ADGRV1: variants seen among roughly 807,000 people sequenced by gnomAD.
ADGRV1 encodes G-protein coupled receptor 98.
ADGRV1 carries 359 observed loss-of-function variants against 596.2 expected under a neutral mutation model. The ratio of observed to expected loss-of-function variants is 0.60; its 90% CI spans 0.55 to 0.66. ADGRV1 has a LOEUF of 0.66. ADGRV1 is among the 30% of genes least tolerant of loss of function. ADGRV1 has a pLI of 0.00. For synonymous variants in ADGRV1, 2,681 were observed against 2,679.2 expected, an observed-to-expected ratio of 1.00 and a Z score of -0.02; for missense variants, 7,274 against 7,575.6, an observed-to-expected ratio of 0.96 and a Z score of 1.48.
chr5:91,143,692 T>A (rs1795292191), intron 87 of ADGRV1, among the ~76,000 whole-genome samples: 1 of 152,164 alleles, frequency 6.6e-6, no homozygotes, highest in Admixed American at 6.5e-5. Flanking sequence ...CCACTCCAGT[T>A]TGCAGGACTG....
chr5:90,820,413 T>A (rs1220464134), intron 75 of ADGRV1, among the ~76,000 whole-genome samples: 1 of 151,144 alleles, frequency 6.6e-6, no homozygotes, highest in Non-Finnish European at 1.5e-5. Context: ...TTAGTCCATT[T>A]ACATTTAAAG....
chr5:90,643,127 C>A, intron 13 of ADGRV1, 86 bp downstream of exon 13: 4 of 1,176,316 alleles, frequency 3.4e-6, no homozygotes, highest in South Asian at 1.8e-5. Context: ...TGAATATTGG[C>A]AAAGAGACAG....
In ADGRV1 at chr5:90,750,614, C is replaced by A; in HGVS notation, c.11038C>A (p.Arg3680Ser). 2 of 1,611,776 alleles carry A rather than the reference C, an allele frequency of 1.2e-6. No homozygotes were observed. The highest frequency in any genetic ancestry group is 1.7e-6 in the Non-Finnish European group (2 of 1,178,182). Residue 3680 changes from arginine to serine, a missense_variant, in exon 53 of 90, where the codon CGC (arginine) becomes AGC (serine). Around this residue, in one of 5 missense-constraint regions of ADGRV1, gnomAD observed 3,643 missense variants for 3,809.2 expected, o/e 0.96. Coordinates refer to ENST00000405460, the MANE Select transcript of ADGRV1 (RefSeq NM_032119.4). ...TAGCCTAGTAACCTTGAACGTTGAA[C>A]GCTTAAAAGGAACATATGGCCGTAT... Reference protein sequence around the residue: ...QDSLVTLNVERLKGTYGRITI... With the variant: ...QDSLVTLNVESLKGTYGRITI...
intron 83 of ADGRV1, among the ~76,000 whole-genome samples, chr5:90,899,811 C>A (rs199776185): frequency 6.6e-6 from 1 of 152,264 alleles, no homozygotes; most frequent in East Asian, 1.9e-4. Flanking sequence ...ATCTGTTCTA[C>A]CTCACCTGAA....
chr5:91,084,897 A>C (rs1441156135), intron 86 of ADGRV1, among the ~76,000 whole-genome samples: 1 of 152,192 alleles, frequency 6.6e-6, no homozygotes, highest in Admixed American at 6.5e-5. Context: ...TACTATGCAG[A>C]CATAAAAAAG....
At chr5:90,942,064 T>G (rs939646904) in intron 83 of ADGRV1, among the ~76,000 whole-genome samples, 1 of 152,210 alleles carries the variant, frequency 6.6e-6, no homozygotes, top group East Asian at 1.9e-4. Context: ...GCCTATCTTA[T>G]CTAAACCAAA....
At chr5:91,080,213 G>T (rs1239303652) in intron 86 of ADGRV1, among the ~76,000 whole-genome samples, 1 of 152,032 alleles carries the variant, frequency 6.6e-6, no homozygotes, top group East Asian at 1.9e-4. Flanking sequence ...ATCTCTTCTA[G>T]CTATTTTGAA....
intron 82 of ADGRV1, among the ~76,000 whole-genome samples, chr5:90,857,674 G>C (rs1028437076): frequency 6.6e-6 from 1 of 152,000 alleles, no homozygotes; most frequent in African/African-American, 2.4e-5. Context: ...ATGTTCTGTC[G>C]ATAAGGAGAC....
At chr5:91,022,967 C>T (rs1783762662) in intron 85 of ADGRV1, among the ~76,000 whole-genome samples, 1 of 152,026 alleles carries the variant, frequency 6.6e-6, no homozygotes, top group African/African-American at 2.4e-5. Context: ...GTCCTAGGGC[C>T]TTGGGGTAGG....
At chr5:91,132,517 T>C (rs1397496231) in intron 87 of ADGRV1, among the ~76,000 whole-genome samples, 1 of 152,174 alleles carries the variant, frequency 6.6e-6, no homozygotes, top group African/African-American at 2.4e-5. Flanking sequence ...ATCACAGAGG[T>C]TGCATTTTAC....
Position 90,755,139 on chromosome 5 carries a change from T to C in ADGRV1, c.11534T>C (p.Met3845Thr). The change falls in exon 55 of 90, where the codon ATG (methionine) becomes ACG (threonine). Residue 3845 changes from methionine (M) to threonine (T), a missense_variant. Coordinates refer to ENST00000405460, the MANE Select transcript of ADGRV1 (RefSeq NM_032119.4). ...DYVLQETIII[M>T]KENIKEAHAE... is the part of the protein sequence containing the mutation. ...GTATTGCAAGAAACAATAATAATAATGAAAGAAAACATAAAAGAAGCTCAT... is the reference window on the plus strand; with the variant it reads ...GTATTGCAAGAAACAATAATAATAACGAAAGAAAACATAAAAGAAGCTCAT... 1 of 1,610,430 alleles carries C rather than the reference T, an allele frequency of 6.2e-7. No homozygotes were observed. The highest frequency in any genetic ancestry group is 8.5e-7 in the Non-Finnish European group (1 of 1,178,808).
intron 84 of ADGRV1, among the ~76,000 whole-genome samples, chr5:90,967,853 A>C (rs1159530069): frequency 6.6e-6 from 1 of 152,226 alleles, no homozygotes; most frequent in African/African-American, 2.4e-5. Context: ...ATGTGACCAG[A>C]ATGCTTAACA....
intron 43 of ADGRV1, 140 bp from the exon 44 acceptor site, chr5:90,719,908 G>A: frequency 6.0e-6 from 4 of 664,108 alleles, no homozygotes; most frequent in Non-Finnish European, 1.0e-5. Context: ...TCACATTATA[G>A]GAATCAGTAT....
At chr5:90,706,523 G>T (rs1748630426) in intron 38 of ADGRV1, 129 bp downstream of exon 38, 1 of 778,752 alleles carries the variant, frequency 1.3e-6, no homozygotes, top group Middle Eastern at 3.8e-4. Context: ...GTGCCATGTT[G>T]GTGTGCTGCA....
At chr5:90,618,078 C>T (rs895419576) in intron 3 of ADGRV1, 125 bp downstream of exon 3, 4 of 639,776 alleles carry the variant, frequency 6.3e-6, no homozygotes, top group African/African-American at 5.6e-5. Context: ...TGGTGGTATT[C>T]ATAGAATCCA....
intron 34 of ADGRV1, among the ~76,000 whole-genome samples, chr5:90,701,635 A>G (rs557977711): frequency 6.6e-6 from 1 of 151,852 alleles, no homozygotes; most frequent in Admixed American, 6.6e-5. Flanking sequence ...TTCAAATTAT[A>G]TTTTTGCAGT....
intron 15 of ADGRV1, among the ~76,000 whole-genome samples, chr5:90,645,498 G>A (rs1767623650): frequency 2.0e-5 from 3 of 152,162 alleles, no homozygotes; most frequent in Admixed American, 2.0e-4. Context: ...ATCTTGTTAG[G>A]ACATGGAGTG....
intron 67 of ADGRV1, among the ~76,000 whole-genome samples, chr5:90,787,590 CTTTT>C (rs35504697): frequency 1.7e-5 from 2 of 118,902 alleles, no homozygotes; most frequent in Admixed American, 1.7e-4. Flanking sequence ...TTCTTTCTTT[CTTTT>C]TTTTTTTTTT....
chr5:90,788,141 C>A lies in ADGRV1; in HGVS notation c.13724C>A (p.Pro4575Gln). 6.2e-7 allele frequency: 1 copy of A among 1,613,658 alleles called. No homozygotes were observed. The highest frequency in any genetic ancestry group is 8.5e-7 in the Non-Finnish European group (1 of 1,179,628). ...CCACAGAATAGAGACATTGCAGACC[C>A]AGTGAGCGGGTTGTTCTATTTTGGA... ...LLPQNRDIADPVSGLFYFGEG... is the reference protein window; with the variant it reads ...LLPQNRDIADQVSGLFYFGEG... Residue 4575 changes from proline to glutamine, a missense_variant, in exon 68 of 90, where the codon CCA becomes CAA. By Grantham distance (76) the Pro-to-Gln change is moderately conservative (BLOSUM62 -1). Around this residue, in one of 5 missense-constraint regions of ADGRV1, gnomAD observed 3,643 missense variants for 3,809.2 expected, o/e 0.96. Coordinates refer to ENST00000405460, the MANE Select transcript of ADGRV1 (RefSeq NM_032119.4).
Sources: gnomAD v4.1 joint callset for allele counts (sites outside exome capture counted in the v4.1 genomes callset) on GRCh38, gnomAD v4.1.1 for gene constraint, gnomAD v4.1.1 regional missense constraint, MANE v1.5 for transcripts, NCBI Gene and HGNC (gene_info 2026-07-23, HGNC 2026-07-21) for gene names.